The following NRCAM variants were observed in gnomAD, a reference collection of about 807,000 sequenced individuals.
NRCAM encodes the protein neuronal cell adhesion molecule.
In NRCAM, 83 loss-of-function variants were observed where a neutral mutation model predicts 156.5. The ratio of observed to expected loss-of-function variants is 0.53; its 90% confidence interval spans 0.44 to 0.64. The LOEUF is 0.64. NRCAM is among the 30% of genes least tolerant of loss of function. NRCAM has a pLI of 0.00. For missense variants in NRCAM, 1,417 were observed against 1,597.3 expected (o/e 0.89, Z 1.92); for synonymous variants, 538 against 563.9 (o/e 0.95, Z 0.65).
At chr7:108,389,703 A>G (rs988710562) in intron 2 of NRCAM, among the ~76,000 whole-genome samples, 3 of 152,226 alleles carry the variant, frequency 2.0e-5, no homozygotes, top group African/African-American at 7.2e-5. Flanking sequence ...TGTCATAAAT[A>G]GCTCTTATTA....
At chr7:108,239,365 G>A (rs2095373328) in intron 4 of NRCAM, among the ~76,000 whole-genome samples, 1 of 152,132 alleles carries the variant, frequency 6.6e-6, no homozygotes, top group East Asian at 1.9e-4. Flanking sequence ...CTATTTGTTA[G>A]GCTCTAGATA....
intron 1 of NRCAM, among the ~76,000 whole-genome samples, chr7:108,405,743 G>GA (rs941062134): frequency 1.3e-5 from 2 of 152,128 alleles, no homozygotes; most frequent in African/African-American, 4.8e-5. Context: ...TTGATATGTG[G>GA]AAAAAACACA....
chr7:108,231,232 C>A, intron 7 of NRCAM, 79 bp from the exon 8 acceptor site: 1 of 1,038,538 alleles, frequency 9.6e-7, no homozygotes, highest in Non-Finnish European at 1.4e-6. Flanking sequence ...TAAAGGCAAA[C>A]TGAAGTTTTG....
chr7:108,171,275 A>G (rs972237721), intron 28 of NRCAM, among the ~76,000 whole-genome samples: 1 of 85,740 alleles, frequency 1.2e-5, no homozygotes, highest in African/African-American at 2.5e-5. Flanking sequence ...TGCTGAAACT[A>G]CAACTCTTAT....
intron 1 of NRCAM, among the ~76,000 whole-genome samples, chr7:108,437,371 C>T (rs1309755481): frequency 6.6e-6 from 1 of 152,016 alleles, no homozygotes; most frequent in Non-Finnish European, 1.5e-5. Context: ...TTTGATAGCA[C>T]AACAGAGTGA....
At chr7:108,444,622 G>A (rs1487849329) in intron 1 of NRCAM, among the ~76,000 whole-genome samples, 1 of 152,082 alleles carries the variant, frequency 6.6e-6, no homozygotes, top group Non-Finnish European at 1.5e-5. Context: ...GCAACCTTTG[G>A]CCATTTTTGG....
In NRCAM at chr7:108,306,691, C is replaced by T. The variant is rs557957766; in HGVS notation, c.-107+5974G>A. On this transcript the variant is annotated intron_variant, in intron 3 of 32. Transcript: ENST00000379028. ...GGTAAGTCTTTCTGGAAACATGCTA[C>T]GAAACAAACATGTTATTTAATGAGA... is the stretch of plus-strand genomic sequence containing the variant. Among the ~76,000 whole-genome samples, 188 of 152,156 alleles carry T rather than the reference C, an allele frequency of 1.2e-3. 1 individual carries two copies. The highest frequency in any genetic ancestry group is 4.4e-3 in the African/African-American group (181 of 41,510).
At chr7:108,193,918 T>C in intron 17 of NRCAM, 106 bp downstream of exon 17, 1 of 1,163,536 alleles carries the variant, frequency 8.6e-7, no homozygotes, top group Non-Finnish European at 1.2e-6. Flanking sequence ...GACAGCAGAC[T>C]TCAGAAACTA....
chr7:108,410,475 G>A (rs1020649751), intron 1 of NRCAM, among the ~76,000 whole-genome samples: 2 of 152,178 alleles, frequency 1.3e-5, no homozygotes, highest in Non-Finnish European at 2.9e-5. Context: ...AGTCCTCACT[G>A]TACATGAAAC....
chr7:108,410,600 G>A (rs1456272442), intron 1 of NRCAM, among the ~76,000 whole-genome samples: 6 of 152,142 alleles, frequency 3.9e-5, no homozygotes, highest in South Asian at 2.1e-4. Flanking sequence ...TCTAATATGC[G>A]TTAGAGGTAA....
intron 1 of NRCAM, among the ~76,000 whole-genome samples, chr7:108,431,016 T>C (rs1030457314): frequency 7.2e-5 from 11 of 152,230 alleles, no homozygotes; most frequent in Non-Finnish European, 1.6e-4. Context: ...GGATAAGTCA[T>C]GCCTGTCATG....
Position 108,234,698 on chromosome 7 carries a change from A to AT in NRCAM, c.125-11_125-10insA. 6.5e-7 allele frequency: 1 copy of AT among 1,534,938 alleles called. No individual in the cohort carries two copies. Among genetic ancestry groups the AT allele is most frequent in the Non-Finnish European group, 9.0e-7 (1 of 1,112,774 alleles). ...GTTGGAGGCTGTACCACTTAATTGT[A>AT]GAAAAAAAAAAATGTAAAAAAACAA... On this transcript the variant is annotated splice_polypyrimidine_tract_variant and intron_variant, in intron 5 of 32. Coordinates refer to ENST00000379028, the MANE Select transcript of NRCAM (RefSeq NM_001037132.4).
intron 26 of NRCAM, chr7:108,176,820 C>A: frequency 2.4e-6 from 1 of 418,988 alleles, no homozygotes; most frequent in Non-Finnish European, 4.2e-6. Context: ...TATCATATAT[C>A]ACAAGGGGGT....
intron 1 of NRCAM, among the ~76,000 whole-genome samples, chr7:108,430,685 C>T (rs151190763): frequency 1.4e-4 from 22 of 152,274 alleles, no homozygotes; most frequent in African/African-American, 5.1e-4. Context: ...TATGTACACA[C>T]ACACACCTCT....
chr7:108,452,992 G>A (rs1339619298), intron 1 of NRCAM, among the ~76,000 whole-genome samples: 1 of 151,924 alleles, frequency 6.6e-6, no homozygotes, highest in African/African-American at 2.4e-5. Flanking sequence ...TGTTCAGTTT[G>A]TGCAAGTTCA....
At chr7:108,429,580 C>T (rs950445691) in intron 1 of NRCAM, among the ~76,000 whole-genome samples, 1 of 152,242 alleles carries the variant, frequency 6.6e-6, no homozygotes, top group African/African-American at 2.4e-5. Flanking sequence ...TATTAAATTG[C>T]AAACAATCCA....
At chr7:108,396,692 AAT>A (rs1563618659) in intron 2 of NRCAM, among the ~76,000 whole-genome samples, 1 of 152,234 alleles carries the variant, frequency 6.6e-6, no homozygotes, top group African/African-American at 2.4e-5. Context: ...ATCACCTGTA[AAT>A]ATGACTAATT....
chr7:108,250,034 G>C (rs1345220524), intron 3 of NRCAM, among the ~76,000 whole-genome samples: 1 of 152,142 alleles, frequency 6.6e-6, no homozygotes. Context: ...ATTCACAATA[G>C]TCAAAATTTG....
At chr7:108,239,887 A>C (rs1453648517) in intron 4 of NRCAM, 72 bp downstream of exon 4, 5 of 897,238 alleles carry the variant, frequency 5.6e-6, no homozygotes, top group Non-Finnish European at 9.0e-6. Flanking sequence ...CCATTCACGC[A>C]GTTCAGAGTG....
Sources: allele counts gnomAD v4.1 joint callset (sites outside exome capture counted in the v4.1 genomes callset), GRCh38; gene constraint gnomAD v4.1.1; transcripts MANE v1.5; gene names NCBI Gene and HGNC (gene_info 2026-07-23, HGNC 2026-07-21).